PPFIA2: variants seen among roughly 807,000 people sequenced by gnomAD.
PPFIA2 encodes PPFI scaffold protein A2, also known as liprin-alpha-2.
A neutral mutation model predicts 175.5 loss-of-function variants in PPFIA2; 46 were observed. The ratio of observed to expected loss-of-function variants is 0.26; its 90% CI spans 0.21 to 0.34. The LOEUF (loss-of-function observed/expected upper bound fraction) is 0.34. Among genes scored for constraint, PPFIA2 ranks in the 10% least tolerant of loss-of-function variants. The probability of loss-of-function intolerance (pLI) is 1.00; values close to 1 mark genes in which losing one functional copy is unlikely to be tolerated. For synonymous variants in PPFIA2, 568 were observed against 511.4 expected (o/e 1.11, Z -1.49); for missense variants, 1,179 against 1,506.1 (o/e 0.78, Z 3.60).
chr12:81,397,743 A>T (rs916770273), intron 8 of PPFIA2, among the ~76,000 whole-genome samples: 1 of 152,076 alleles, frequency 6.6e-6, no homozygotes, highest in African/African-American at 2.4e-5. Flanking sequence ...GTTTGGGACC[A>T]GACTTCTCAG....
At chr12:81,306,542 T>C (rs1453175573) in intron 22 of PPFIA2, among the ~76,000 whole-genome samples, 1 of 36,316 alleles carries the variant, frequency 2.8e-5, no homozygotes, top group African/African-American at 7.5e-5. Flanking sequence ...TGTTTCGTTG[T>C]TTTTTTTTTT....
At chr12:81,283,100 T>C in intron 25 of PPFIA2, 61 bp from the exon 26 acceptor site, 1 of 1,528,502 alleles carries the variant, frequency 6.5e-7, no homozygotes, top group Non-Finnish European at 9.0e-7. Flanking sequence ...TTCAAATCAA[T>C]ACAGTAAAAT....
intron 30 of PPFIA2, among the ~76,000 whole-genome samples, chr12:81,263,995 A>G (rs906128561): frequency 1.3e-5 from 2 of 152,328 alleles, no homozygotes; most frequent in African/African-American, 4.8e-5. Flanking sequence ...CCTGGACACC[A>G]TCCTTTCAAT....
intron 4 of PPFIA2, among the ~76,000 whole-genome samples, chr12:81,562,846 CAAAAAAAAAAAAAAA>C (rs11475809): frequency 3.4e-4 from 10 of 29,586 alleles, no homozygotes; most frequent in South Asian, 3.9e-3. Context: ...GACTCTGTCT[CAAAAAAAAAAAAAAA>C]AAAAAAAAAA....
At chr12:81,577,670 G>A (rs1187592276) in intron 4 of PPFIA2, among the ~76,000 whole-genome samples, 2 of 151,868 alleles carry the variant, frequency 1.3e-5, no homozygotes, top group Non-Finnish European at 2.9e-5. Context: ...AAAGTGAGGT[G>A]CAAAGATAAA....
At chr12:81,388,524 G>C (rs552792333) in intron 8 of PPFIA2, among the ~76,000 whole-genome samples, 1 of 152,102 alleles carries the variant, frequency 6.6e-6, no homozygotes, top group African/African-American at 2.4e-5. Flanking sequence ...TTGACTTCAA[G>C]GGGGCATGAG....
intron 4 of PPFIA2, among the ~76,000 whole-genome samples, chr12:81,528,576 C>G (rs930997727): frequency 6.6e-6 from 1 of 152,004 alleles, no homozygotes; most frequent in African/African-American, 2.4e-5. Context: ...AGCAGCAATG[C>G]TTTATAATTG....
intron 4 of PPFIA2, among the ~76,000 whole-genome samples, chr12:81,642,699 T>C (rs947332021): frequency 0.088 from 209 of 2,364 alleles, 65 homozygotes; most frequent in Non-Finnish European, 0.22. Context: ...TATACATACA[T>C]GTATATGTAT....
At chr12:81,720,833 T>G (rs566053076) in intron 3 of PPFIA2, among the ~76,000 whole-genome samples, 12 of 151,504 alleles carry the variant, frequency 7.9e-5, no homozygotes, top group Admixed American at 2.6e-4. Context: ...TTGTTTGTTT[T>G]TTTGGCTTTA....
chr12:81,419,770 A>C (rs1019491626), intron 7 of PPFIA2, among the ~76,000 whole-genome samples: 1 of 152,148 alleles, frequency 6.6e-6, no homozygotes, highest in Non-Finnish European at 1.5e-5. Flanking sequence ...TTAGCTTTAA[A>C]AATGAAGTGG....
At chr12:81,492,869 G>T (rs1224543926) in intron 4 of PPFIA2, among the ~76,000 whole-genome samples, 1 of 152,062 alleles carries the variant, frequency 6.6e-6, no homozygotes, top group Non-Finnish European at 1.5e-5. Context: ...TCAATGAGAG[G>T]ACTATTGAAA....
In PPFIA2 at chr12:81,363,278, T is replaced by TTAATTAATTA. The variant is rs1555315997; in HGVS notation, c.1546-495_1546-494insTAATTAATTA. Among the ~76,000 whole-genome samples the TTAATTAATTA allele has an allele frequency of 2.0e-5, 3 of 151,152 alleles. No homozygotes were observed. The East Asian group carries it at 5.8e-4, about 29-fold the overall frequency. On this transcript the variant is annotated intron_variant, in intron 14 of 32. Transcript: ENST00000549396. Reference sequence around the variant, plus strand: ...ACAATTGGAGGATTTTTTTAAAAAATATTAATTAATTAATTAATTTATTTA... The same window carrying TTAATTAATTA: ...ACAATTGGAGGATTTTTTTAAAAAATTAATTAATTAATTAATTAATTAATTAATTTATTTA...
At chr12:81,270,407 T>C (rs970614749) in intron 28 of PPFIA2, among the ~76,000 whole-genome samples, 2 of 152,184 alleles carry the variant, frequency 1.3e-5, no homozygotes, top group Non-Finnish European at 2.9e-5. Context: ...GAATGTAACC[T>C]TACTTGGATA....
chr12:81,605,564 T>A (rs1487964556), intron 4 of PPFIA2, among the ~76,000 whole-genome samples: 1 of 151,838 alleles, frequency 6.6e-6, no homozygotes, highest in African/African-American at 2.4e-5. Context: ...GGACAATACA[T>A]CCTAGTAAAT....
intron 4 of PPFIA2, among the ~76,000 whole-genome samples, chr12:81,672,216 C>G (rs186960442): frequency 6.6e-6 from 1 of 151,730 alleles, no homozygotes; most frequent in Non-Finnish European, 1.5e-5. Flanking sequence ...AATTAGGACA[C>G]GATTCAGATT....
chr12:81,569,210 C>CT (rs1168960842), intron 4 of PPFIA2, among the ~76,000 whole-genome samples: 2 of 151,984 alleles, frequency 1.3e-5, no homozygotes, highest in Admixed American at 6.6e-5. Flanking sequence ...AATAGAGTTG[C>CT]TTTTTTTATC....
intron 22 of PPFIA2, among the ~76,000 whole-genome samples, chr12:81,312,841 T>C (rs2051277961): frequency 6.6e-6 from 1 of 152,238 alleles, no homozygotes; most frequent in Non-Finnish European, 1.5e-5. Context: ...ATTACTATTT[T>C]GGTAAACATA....
chr12:81,726,129 T>C (rs1470384724), intron 3 of PPFIA2, among the ~76,000 whole-genome samples: 2 of 151,152 alleles, frequency 1.3e-5, no homozygotes, highest in Non-Finnish European at 3.0e-5. Context: ...TCTCTACTGA[T>C]ATCCTATAAC....
chr12:81,707,502 C>A, intron 3 of PPFIA2, among the ~76,000 whole-genome samples: 1 of 151,810 alleles, frequency 6.6e-6, no homozygotes. Flanking sequence ...GAATGGCAAT[C>A]ATTAAAAAGT....
Sources: allele counts gnomAD v4.1 joint callset (sites outside exome capture counted in the v4.1 genomes callset), GRCh38; gene constraint gnomAD v4.1.1; transcripts MANE v1.5; gene names NCBI Gene and HGNC (gene_info 2026-07-23, HGNC 2026-07-21).